The following SLC9A4 variants were observed in gnomAD, a reference collection of about 807,000 sequenced individuals.
SLC9A4 encodes solute carrier family 9 member A4.
In SLC9A4, 63 loss-of-function variants were observed where a neutral mutation model predicts 67.4. That is an observed-to-expected ratio of 0.93 (90% CI 0.76 to 1.15). SLC9A4 has a LOEUF of 1.15. SLC9A4 is among the 50% of genes most tolerant of loss of function. The pLI is 0.00. For missense variants in SLC9A4, 1,089 were observed against 987.7 expected (o/e 1.10, Z -1.38); for synonymous variants, 393 against 367.2 (o/e 1.07, Z -0.80).
chr2:102,514,064 T>C (rs369035557), intron 7 of SLC9A4, 26 bp from the exon 8 acceptor site: 140 of 1,607,126 alleles, frequency 8.7e-5, no homozygotes, highest in Middle Eastern at 5.0e-4. Context: ...GTTCAAGATT[T>C]CCAAAATGTT....
At chr2:102,531,214 C>T (rs1277976885) in intron 11 of SLC9A4, among the ~76,000 whole-genome samples, 2 of 151,962 alleles carry the variant, frequency 1.3e-5, no homozygotes. Context: ...AGGTGCCCAC[C>T]ACCACGCCCA....
At chr2:102,491,317 CTTTTTTTTTTTTTTTTTT>C (rs61708027) in intron 2 of SLC9A4, among the ~76,000 whole-genome samples, 5 of 45,740 alleles carry the variant, frequency 1.1e-4, no homozygotes, top group African/African-American at 1.4e-4. Flanking sequence ...TGTACTAATG[CTTTTTTTTTTTTTTTTTT>C]TTTTTTTTTT....
intron 10 of SLC9A4, 50 bp downstream of exon 10, chr2:102,525,205 T>A (rs1558674496): frequency 6.2e-7 from 1 of 1,610,394 alleles, no homozygotes. Flanking sequence ...CAAGTGTTTG[T>A]CATCTGCTGA....
intron 2 of SLC9A4, among the ~76,000 whole-genome samples, chr2:102,498,747 G>A (rs931733368): frequency 1.3e-5 from 2 of 152,078 alleles, no homozygotes; most frequent in African/African-American, 4.8e-5. Flanking sequence ...AAAATCATAT[G>A]TCACATTTTT....
intron 2 of SLC9A4, 47 bp from the exon 3 acceptor site, chr2:102,503,401 T>A: frequency 6.8e-7 from 1 of 1,479,140 alleles, no homozygotes; most frequent in Non-Finnish European, 9.1e-7. Context: ...AAAGTGTTCC[T>A]AGTTTCTATT....
chr2:102,485,534 G>T (rs945021768), intron 2 of SLC9A4, among the ~76,000 whole-genome samples: 1 of 152,204 alleles, frequency 6.6e-6, no homozygotes, highest in Non-Finnish European at 1.5e-5. Context: ...AACTTTGCTG[G>T]CTAGTTGCCT....
In SLC9A4 at chr2:102,473,690, A is replaced by G; in HGVS notation, c.-70A>G. On this transcript the variant is annotated 5_prime_UTR_variant, in exon 1 of 12. Coordinates refer to ENST00000295269, the MANE Select transcript of SLC9A4 (RefSeq NM_001011552.4). ...ACCCAGGTGGATGCAGTCACTCTCTAGAAGCCTCCCCGACTTCAGATGTGT... is the reference window on the plus strand; with the variant it reads ...ACCCAGGTGGATGCAGTCACTCTCTGGAAGCCTCCCCGACTTCAGATGTGT... 6.4e-7 allele frequency: 1 copy of G among 1,572,612 alleles called. No individual in the cohort carries two copies. Among genetic ancestry groups the G allele is most frequent in the South Asian group, 1.2e-5 (1 of 85,150 alleles).
intron 8 of SLC9A4, among the ~76,000 whole-genome samples, chr2:102,516,293 T>G (rs1685276321): frequency 6.6e-6 from 1 of 152,160 alleles, no homozygotes; most frequent in African/African-American, 2.4e-5. Context: ...AGCAGTTAGT[T>G]AACTGGGGTG....
intron 2 of SLC9A4, among the ~76,000 whole-genome samples, chr2:102,495,291 C>T (rs920774291): frequency 6.6e-6 from 1 of 151,984 alleles, no homozygotes; most frequent in Admixed American, 6.6e-5. Context: ...ACTCCCAAAA[C>T]AGAAATACTT....
In SLC9A4 at chr2:102,512,206, A is replaced by G. The variant is rs371978871; in HGVS notation, c.1492A>G (p.Met498Val). ...SINEELHIRL[M>V]DHLKAGIEDV... ...TTTTCTTGTGTTTGTTTGGCAGCTG[A>G]TGGATCACTTAAAGGCTGGAATCGA... The change falls in exon 7 of 12, where the codon ATG (methionine) becomes GTG (valine). Residue 498 changes from methionine (M) to valine (V), a missense_variant. Met to Val is a conservative substitution (Grantham distance 21). Coordinates refer to ENST00000295269, the MANE Select transcript of SLC9A4 (RefSeq NM_001011552.4). 1.6e-4 allele frequency: 259 copies of G among 1,613,956 alleles called. No individual in the cohort carries two copies. Among genetic ancestry groups the G allele is most frequent in the Middle Eastern group, 1.2e-3 (7 of 6,062 alleles).
Position 102,514,246 on chromosome 2 carries a change from C to T in SLC9A4, c.1716C>T (p.Pro572=). 1 of 1,605,852 alleles carries T rather than the reference C, an allele frequency of 6.2e-7. No homozygotes were observed. Among genetic ancestry groups the T allele is most frequent in the Non-Finnish European group, 8.5e-7 (1 of 1,174,514 alleles). ...TGAGCTCTACAGCTTTCTCCATACC[C>T]CATCAGTGAGTCATATCTGTTCTTT... is the stretch of plus-strand genomic sequence containing the variant. The part of the protein sequence containing the change: ...GILSSTAFSI[P]HQAQRIQGIK... Residue 572 remains proline, a synonymous_variant, in exon 8 of 12, where the codon CCC becomes CCT. Transcript: ENST00000295269.
chr2:102,486,329 G>T (rs1227631690), intron 2 of SLC9A4, among the ~76,000 whole-genome samples: 1 of 152,150 alleles, frequency 6.6e-6, no homozygotes, highest in Non-Finnish European at 1.5e-5. Flanking sequence ...GTGGCACAGA[G>T]TGAGCCCCTG....
rs756262503 is a variant in SLC9A4 at position 102,519,887 on chromosome 2, C to G, written c.1750C>G (p.Leu584Val). The G allele has an allele frequency of 6.2e-7, 1 of 1,613,822 alleles. No individual in the cohort carries two copies. The highest frequency in any genetic ancestry group is 1.1e-5 in the South Asian group (1 of 91,078). Residue 584 changes from leucine to valine, a missense_variant, in exon 9 of 12, where the codon CTT becomes GTT. Physicochemically the swap from Leu to Val is conservative, Grantham distance 32. Coordinates refer to ENST00000295269, the MANE Select transcript of SLC9A4 (RefSeq NM_001011552.4). ...CCAGAGGATACAAGGAATCAAAAGA[C>G]TTTCCCCTGAAGATGTGGAGTCCAT... is the stretch of plus-strand genomic sequence containing the variant. Reference protein sequence around the residue: ...QAQRIQGIKRLSPEDVESIRD... With the variant: ...QAQRIQGIKRVSPEDVESIRD...
chr2:102,480,635 C>A (rs985862536), intron 2 of SLC9A4, among the ~76,000 whole-genome samples: 1 of 152,080 alleles, frequency 6.6e-6, no homozygotes, highest in East Asian at 1.9e-4. Context: ...TCTTTGCATT[C>A]GTATTTTTAC....
chr2:102,482,782 T>C (rs1385439394), intron 2 of SLC9A4, among the ~76,000 whole-genome samples: 3 of 152,214 alleles, frequency 2.0e-5, no homozygotes, highest in African/African-American at 7.2e-5. Context: ...CATAAATTAT[T>C]ACAGAGGTCA....
chr2:102,523,555 A>G (rs147147319), intron 9 of SLC9A4, among the ~76,000 whole-genome samples: 66 of 151,878 alleles, frequency 4.3e-4, no homozygotes, highest in African/African-American at 1.5e-3. Context: ...ATAAAAATCA[A>G]TAGAAATAGA....
At chr2:102,497,406 T>G (rs937522197) in intron 2 of SLC9A4, among the ~76,000 whole-genome samples, 1 of 152,088 alleles carries the variant, frequency 6.6e-6, no homozygotes, top group Admixed American at 6.5e-5. Context: ...AGCCAAAAAC[T>G]GGGGAGTTGG....
chr2:102,477,915 C>G (rs1236815821), intron 1 of SLC9A4, among the ~76,000 whole-genome samples: 2 of 152,238 alleles, frequency 1.3e-5, no homozygotes, highest in Non-Finnish European at 2.9e-5. Flanking sequence ...TATATACTTA[C>G]ATGTCATCTT....
At chr2:102,514,868 G>C (rs1332168519) in intron 8 of SLC9A4, among the ~76,000 whole-genome samples, 1 of 152,182 alleles carries the variant, frequency 6.6e-6, no homozygotes, top group Non-Finnish European at 1.5e-5. Context: ...ACAGGGAGTT[G>C]TGGAAGCAGG....
Sources: allele counts gnomAD v4.1 joint callset (sites outside exome capture counted in the v4.1 genomes callset), GRCh38; gene constraint gnomAD v4.1.1; transcripts MANE v1.5; gene names NCBI Gene and HGNC (gene_info 2026-07-23, HGNC 2026-07-21).